The following CSNK1G1 variants were observed in gnomAD, a reference collection of about 807,000 sequenced individuals.
The protein encoded by CSNK1G1 is casein kinase 1 gamma 1, also known as casein kinase I isoform gamma-1.
Under a neutral mutation model 59.6 loss-of-function variants are expected in CSNK1G1, and 22 were observed. The ratio of observed to expected loss-of-function variants is 0.37; its 90% CI spans 0.26 to 0.53. The LOEUF is 0.53. CSNK1G1 is among the 20% of genes least tolerant of loss of function. CSNK1G1 has a pLI of 0.89. For synonymous variants in CSNK1G1, 179 were observed against 177.1 expected, an observed-to-expected ratio of 1.01 and a Z score of -0.08; for missense variants, 384 against 519.5, an observed-to-expected ratio of 0.74 and a Z score of 2.54.
chr15:64,201,511 C>A (rs921706170), intron 10 of CSNK1G1, among the ~76,000 whole-genome samples: 4 of 152,182 alleles, frequency 2.6e-5, no homozygotes, highest in Admixed American at 6.5e-5. Context: ...AAGGATGTGA[C>A]TATGGACCCA....
At chr15:64,193,482 ACT>A (rs1204007604) in intron 10 of CSNK1G1, among the ~76,000 whole-genome samples, 1 of 77,604 alleles carries the variant, frequency 1.3e-5, no homozygotes, top group Non-Finnish European at 2.4e-5. Flanking sequence ...ACAGAGTGAG[ACT>A]CTGTCTCAAA....
At chr15:64,209,075 C>T (rs2082219283) in intron 6 of CSNK1G1, among the ~76,000 whole-genome samples, 1 of 151,998 alleles carries the variant, frequency 6.6e-6, no homozygotes, top group Non-Finnish European at 1.5e-5. Context: ...TTTATAGTTA[C>T]TGGGTTTTGC....
At chr15:64,254,400 C>A (rs1483007049) in intron 3 of CSNK1G1, among the ~76,000 whole-genome samples, 1 of 148,266 alleles carries the variant, frequency 6.7e-6, no homozygotes, top group Non-Finnish European at 1.5e-5. Context: ...GTTGCCCAGG[C>A]TGGAGTGCAA....
chr15:64,291,804 G>A (rs920365077), intron 2 of CSNK1G1, among the ~76,000 whole-genome samples: 3 of 152,146 alleles, frequency 2.0e-5, no homozygotes, highest in Admixed American at 2.0e-4. Flanking sequence ...ATCTAAGACT[G>A]TGGGATATAA....
chr15:64,251,093 G>A (rs534896381), intron 4 of CSNK1G1, among the ~76,000 whole-genome samples: 24 of 152,270 alleles, frequency 1.6e-4, no homozygotes, highest in African/African-American at 5.1e-4. Context: ...ATAAAATGAC[G>A]GTTCTGTAAT....
At chr15:64,355,060 A>C (rs1566959737) in intron 1 of CSNK1G1, among the ~76,000 whole-genome samples, 1 of 152,236 alleles carries the variant, frequency 6.6e-6, no homozygotes, top group Non-Finnish European at 1.5e-5. Flanking sequence ...TACTTCATTT[A>C]AATTAGGACA....
At chr15:64,334,717 G>A (rs1291077875) in intron 1 of CSNK1G1, among the ~76,000 whole-genome samples, 1 of 152,136 alleles carries the variant, frequency 6.6e-6, no homozygotes, top group Admixed American at 6.6e-5. Flanking sequence ...ACAGGAGGTG[G>A]CGCTCGGGCA....
chr15:64,323,025 C>A (rs1477626142), intron 1 of CSNK1G1, among the ~76,000 whole-genome samples: 2 of 151,814 alleles, frequency 1.3e-5, no homozygotes, highest in African/African-American at 4.8e-5. Flanking sequence ...TGGGCTCAAG[C>A]AATCCTCATG....
intron 10 of CSNK1G1, among the ~76,000 whole-genome samples, chr15:64,202,606 A>G (rs1421707813): frequency 1.3e-5 from 2 of 150,782 alleles, no homozygotes. Context: ...TGGAGTGCAA[A>G]TGCGGAAGCA....
At chr15:64,173,719 C>T in intron 11 of CSNK1G1, among the ~76,000 whole-genome samples, 1 of 148,194 alleles carries the variant, frequency 6.7e-6, no homozygotes, top group African/African-American at 2.5e-5. Context: ...ACCTACAGGG[C>T]TCAAGTGATT....
chr15:64,247,879 AT>A (rs955132502), intron 4 of CSNK1G1, among the ~76,000 whole-genome samples: 2 of 152,342 alleles, frequency 1.3e-5, no homozygotes, highest in African/African-American at 4.8e-5. Context: ...ATAATCAATC[AT>A]TTTTCCCAAA....
At chr15:64,192,018 T>C (rs2081978747) in intron 10 of CSNK1G1, among the ~76,000 whole-genome samples, 2 of 152,214 alleles carry the variant, frequency 1.3e-5, no homozygotes, top group African/African-American at 4.8e-5. Context: ...AGCTGACAAC[T>C]ACAGCAGTCT....
chr15:64,195,972 G>A (rs1464787390), intron 10 of CSNK1G1, among the ~76,000 whole-genome samples: 1 of 152,174 alleles, frequency 6.6e-6, no homozygotes, highest in African/African-American at 2.4e-5. Flanking sequence ...GCTCACACTT[G>A]TAATCCCCGT....
intron 1 of CSNK1G1, among the ~76,000 whole-genome samples, chr15:64,315,110 C>CA (rs896125591): frequency 6.6e-6 from 1 of 152,038 alleles, no homozygotes; most frequent in African/African-American, 2.4e-5. Flanking sequence ...ATGGCAATTA[C>CA]AAAAAAGACC....
intron 2 of CSNK1G1, among the ~76,000 whole-genome samples, chr15:64,267,931 A>G (rs1214503034): frequency 6.6e-6 from 1 of 152,186 alleles, no homozygotes; most frequent in Non-Finnish European, 1.5e-5. Flanking sequence ...CCTGAACAAC[A>G]TGGCAAAACC....
chr15:64,347,584 TAAAA>T (rs11456750), intron 1 of CSNK1G1, among the ~76,000 whole-genome samples: 2 of 123,556 alleles, frequency 1.6e-5, no homozygotes, highest in Non-Finnish European at 3.2e-5. Context: ...CACTCCGTCT[TAAAA>T]AAAAAAAAAA....
chr15:64,265,208 T>C (rs1376665320), intron 2 of CSNK1G1, among the ~76,000 whole-genome samples: 3 of 152,206 alleles, frequency 2.0e-5, no homozygotes, highest in Non-Finnish European at 4.4e-5. Context: ...GCATTTCTAA[T>C]GCCAAAAACA....
intron 1 of CSNK1G1, among the ~76,000 whole-genome samples, chr15:64,320,820 A>T (rs1052182573): frequency 4.6e-5 from 7 of 152,148 alleles, no homozygotes; most frequent in Non-Finnish European, 7.4e-5. Context: ...TTAATTTTTT[A>T]AAATTTTTAA....
In CSNK1G1 at chr15:64,229,441, C is replaced by T. The variant is rs188719489; in HGVS notation, c.293-12728G>A. ...GGGAAAACTGGCTCAGGAATGGGTG[C>T]CATGTCTCTCATGTAACAAGAGTCA... On this transcript the variant is annotated intron_variant, in intron 4 of 11. Coordinates refer to ENST00000303052, the MANE Select transcript of CSNK1G1 (RefSeq NM_022048.5). Among the ~76,000 whole-genome samples, 544 of 152,218 alleles carry T rather than the reference C, an allele frequency of 3.6e-3. 4 individuals are homozygous for T. Among genetic ancestry groups the T allele is most frequent in the Non-Finnish European group, 4.5e-3 (307 of 68,020 alleles).
Sources: allele counts gnomAD v4.1 joint callset (sites outside exome capture counted in the v4.1 genomes callset), GRCh38; gene constraint gnomAD v4.1.1; transcripts MANE v1.5; gene names NCBI Gene and HGNC (gene_info 2026-07-23, HGNC 2026-07-21).